The following ENPP3 variants were observed in gnomAD, a reference collection of about 807,000 sequenced individuals.
ENPP3 encodes ectonucleotide pyrophosphatase/phosphodiesterase 3.
ENPP3 carries 104 observed loss-of-function variants against 117.8 expected under a neutral mutation model. The observed-to-expected ratio is 0.88, with a 90% CI of 0.75 to 1.04. The LOEUF is 1.04. Among genes scored for constraint, ENPP3 ranks in the 50% least tolerant of loss-of-function variants. ENPP3 has a pLI of 0.00. For missense variants in ENPP3, 1,026 were observed against 1,051.9 expected (o/e 0.98, Z 0.34); for synonymous variants, 380 against 349.9 (o/e 1.09, Z -0.96).
Position 131,718,739 on chromosome 6 carries a change from G to A in ENPP3, c.1479+1G>A, listed in dbSNP as rs1585712840. On this transcript the variant is annotated splice_donor_variant, in intron 16 of 24. Coordinates refer to ENST00000357639, the MANE Select transcript of ENPP3 (RefSeq NM_005021.5). LOFTEE classifies it high-confidence loss of function. ...TAACAATGAGTTTAGGAGCATGGAG[G>A]TAACTTACTGCTTTTTTTTTTAACT... The A allele has an allele frequency of 4.4e-6, 7 of 1,586,272 alleles. No individual in the cohort carries two copies. The East Asian group carries it at 1.6e-4, about 36-fold the overall frequency.
intron 21 of ENPP3, among the ~76,000 whole-genome samples, chr6:131,735,059 A>T (rs1780366409): frequency 6.6e-6 from 1 of 151,900 alleles, no homozygotes; most frequent in Admixed American, 6.6e-5. Context: ...AAAATTAAGG[A>T]TACGGCCAGA....
At chr6:131,681,495 T>G (rs1779022789) in intron 11 of ENPP3, among the ~76,000 whole-genome samples, 1 of 148,776 alleles carries the variant, frequency 6.7e-6, no homozygotes, top group Non-Finnish European at 1.5e-5. Flanking sequence ...GCTATTATGC[T>G]TTCTTATTCA....
intron 10 of ENPP3, 64 bp from the exon 11 acceptor site, chr6:131,677,804 C>T (rs775342977): frequency 4.9e-5 from 53 of 1,076,642 alleles, no homozygotes; most frequent in Non-Finnish European, 7.1e-5. Context: ...TACAAAATCC[C>T]CCAATCCAGC....
chr6:131,738,551 GA>G (rs1199108614), intron 23 of ENPP3, among the ~76,000 whole-genome samples: 1 of 150,812 alleles, frequency 6.6e-6, no homozygotes, highest in Non-Finnish European at 1.5e-5. Context: ...CAAGAATAGT[GA>G]AAAGTCAAGT....
At chr6:131,718,011 T>C (rs916765808) in intron 15 of ENPP3, among the ~76,000 whole-genome samples, 1 of 152,198 alleles carries the variant, frequency 6.6e-6, no homozygotes, top group Non-Finnish European at 1.5e-5. Flanking sequence ...TAGAAGGCTG[T>C]ACCATCCAGG....
At chr6:131,643,517 G>T (rs1778094425) in intron 2 of ENPP3, among the ~76,000 whole-genome samples, 1 of 151,982 alleles carries the variant, frequency 6.6e-6, no homozygotes, top group Non-Finnish European at 1.5e-5. Flanking sequence ...ATTAACTCCA[G>T]CCCCTTTTTG....
Position 131,637,332 on chromosome 6 carries a change from A to G in ENPP3, c.-53A>G. ...GTTTCTCTTTGCCAGACTAGACTAA[A>G]GAAGGAGCACTAATTTATTCTGATA... On this transcript the variant is annotated 5_prime_UTR_variant, in exon 1 of 25. Transcript: ENST00000357639. 8.6e-7 allele frequency: 1 copy of G among 1,162,174 alleles called. No individual in the cohort carries two copies. 72.0% of individuals were successfully genotyped at this position (1,162,174 alleles called of 1,614,324 possible).
intron 11 of ENPP3, among the ~76,000 whole-genome samples, chr6:131,682,603 T>C (rs1457836322): frequency 6.6e-6 from 1 of 152,246 alleles, no homozygotes; most frequent in Non-Finnish European, 1.5e-5. Flanking sequence ...AGTGTTGACT[T>C]AGGACAAATG....
chr6:131,701,180 G>A (rs1331287591), intron 15 of ENPP3: 10 of 887,582 alleles, frequency 1.1e-5, no homozygotes, highest in Admixed American at 2.2e-5. Context: ...GCACCGTGTT[G>A]CAGGCGTAGG....
At position 131,652,639 on chromosome 6, in the gene ENPP3, C is replaced by T; in HGVS notation, c.375C>T (p.Cys125=). The T allele has an allele frequency of 6.2e-7, 1 of 1,614,042 alleles. No homozygotes were observed. Among genetic ancestry groups the T allele is most frequent in the Non-Finnish European group, 8.5e-7 (1 of 1,179,956 alleles). Residue 125 remains cysteine, a synonymous_variant, in exon 4 of 25, where the codon TGC becomes TGT. Transcript: ENST00000357639. ...CSDDCLQRKD[C]CADYKSVCQG... Reference sequence around the variant, plus strand: ...ATGACTGTTTGCAGAGGAAAGATTGCTGTGCTGACTATAAGAGTGTTTGCC... The same window carrying T: ...ATGACTGTTTGCAGAGGAAAGATTGTTGTGCTGACTATAAGAGTGTTTGCC...
intron 11 of ENPP3, among the ~76,000 whole-genome samples, chr6:131,681,838 T>C (rs1779029219): frequency 6.6e-6 from 1 of 152,164 alleles, no homozygotes; most frequent in South Asian, 2.1e-4. Context: ...CCTATGCCAT[T>C]GTTTTTTGTG....
At chr6:131,694,238 A>T (rs1585678673) in intron 15 of ENPP3, among the ~76,000 whole-genome samples, 2 of 152,300 alleles carry the variant, frequency 1.3e-5, no homozygotes, top group East Asian at 3.9e-4. Flanking sequence ...TTAAATAACC[A>T]ATTAATCCAT....
At chr6:131,717,252 G>T (rs1779911188) in intron 15 of ENPP3, among the ~76,000 whole-genome samples, 1 of 151,720 alleles carries the variant, frequency 6.6e-6, no homozygotes, top group Non-Finnish European at 1.5e-5. Flanking sequence ...ATTAGAGTCA[G>T]TTATGAATTT....
intron 2 of ENPP3, among the ~76,000 whole-genome samples, chr6:131,646,365 T>C (rs192512817): frequency 1.6e-4 from 25 of 152,084 alleles, no homozygotes. Flanking sequence ...AAGTTTTTCT[T>C]TGATGTTGTT....
At chr6:131,650,184 G>C in intron 3 of ENPP3, 35 bp downstream of exon 3, 1 of 1,612,122 alleles carries the variant, frequency 6.2e-7, no homozygotes, top group South Asian at 1.1e-5. Flanking sequence ...TTAGCATGTT[G>C]CTTGTGTTAC....
At chr6:131,658,448 A>C (rs756502329) in intron 6 of ENPP3, 28 bp downstream of exon 6, 1 of 1,194,518 alleles carries the variant, frequency 8.4e-7, no homozygotes, top group Non-Finnish European at 1.2e-6. Flanking sequence ...AGTGGCATGC[A>C]AATGATAAAG....
intron 15 of ENPP3, among the ~76,000 whole-genome samples, chr6:131,714,743 G>C (rs1779853969): frequency 6.9e-6 from 1 of 145,514 alleles, no homozygotes; most frequent in South Asian, 2.1e-4. Flanking sequence ...TCATTTCCGT[G>C]AAAAATATCA....
chr6:131,719,109 A>G (rs1161089824), intron 16 of ENPP3, among the ~76,000 whole-genome samples: 1 of 152,102 alleles, frequency 6.6e-6, no homozygotes, highest in African/African-American at 2.4e-5. Context: ...TAAGGGAGAA[A>G]TTGGGAGTAT....
chr6:131,650,289 G>A (rs1778236580), intron 3 of ENPP3, 140 bp downstream of exon 3: 1 of 839,270 alleles, frequency 1.2e-6, no homozygotes, highest in Non-Finnish European at 1.9e-6. Flanking sequence ...GCATGATCAT[G>A]GCCAACTCCA....
Sources: gnomAD v4.1 joint callset for allele counts (sites outside exome capture counted in the v4.1 genomes callset) on GRCh38, gnomAD v4.1.1 for gene constraint, MANE v1.5 for transcripts, NCBI Gene and HGNC (gene_info 2026-07-23, HGNC 2026-07-21) for gene names.